Variants in NAALADL2 observed in about 807,000 individuals in gnomAD.
NAALADL2 encodes inactive N-acetylated-alpha-linked acidic dipeptidase-like protein 2.
Under a neutral mutation model 87.2 loss-of-function variants are expected in NAALADL2, and 76 were observed. The observed-to-expected ratio is 0.87, with a 90% confidence interval of 0.72 to 1.05. The LOEUF is 1.05. NAALADL2 is among the 50% of genes least tolerant of loss of function. The probability of loss-of-function intolerance (pLI) is 0.00; values close to 1 mark genes in which losing one functional copy is unlikely to be tolerated. For missense variants in NAALADL2, 1,089 were observed against 945.8 expected (o/e 1.15, Z -1.99); for synonymous variants, 354 against 331.0 (o/e 1.07, Z -0.75).
At chr3:175,033,340 A>T (rs1283498733) in intron 1 of NAALADL2, among the ~76,000 whole-genome samples, 1 of 152,024 alleles carries the variant, frequency 6.6e-6, no homozygotes, top group Non-Finnish European at 1.5e-5. Flanking sequence ...ATCTGCTGAG[A>T]ACCATTGTAT....
intron 9 of NAALADL2, among the ~76,000 whole-genome samples, chr3:175,485,396 A>G (rs1727106550): frequency 6.6e-6 from 1 of 152,126 alleles, no homozygotes; most frequent in Admixed American, 6.6e-5. Context: ...CACTCACACG[A>G]TCACAAGGTA....
chr3:175,543,856 CCTCT>C (rs1712818157), intron 9 of NAALADL2, among the ~76,000 whole-genome samples: 4 of 152,028 alleles, frequency 2.6e-5, no homozygotes, highest in African/African-American at 9.7e-5. Context: ...TAATAAGGAA[CCTCT>C]CTAAGAAGAT....
At chr3:174,567,487 A>T (rs1714428369) in intron 2 of NAALADL2, among the ~76,000 whole-genome samples, 1 of 151,548 alleles carries the variant, frequency 6.6e-6, no homozygotes, top group Non-Finnish European at 1.5e-5. Flanking sequence ...ATTTATACCT[A>T]CCTGACTTGC....
At chr3:174,780,222 A>G (rs548910389) in intron 3 of NAALADL2, among the ~76,000 whole-genome samples, 2 of 151,464 alleles carry the variant, frequency 1.3e-5, no homozygotes, top group South Asian at 2.1e-4. Context: ...AATTCCTTGT[A>G]AGTTGTATTC....
intron 5 of NAALADL2, among the ~76,000 whole-genome samples, chr3:175,391,316 C>T (rs61450676): frequency 1.3e-5 from 2 of 152,038 alleles, no homozygotes; most frequent in Admixed American, 6.5e-5. Context: ...CTGGAGATTC[C>T]TTTCTAATTA....
chr3:175,353,108 A>ATGTGTGTGTG (rs113022824), intron 5 of NAALADL2, among the ~76,000 whole-genome samples: 7 of 144,968 alleles, frequency 4.8e-5, no homozygotes, highest in Admixed American at 2.1e-4. Flanking sequence ...ATTTAATAAA[A>ATGTGTGTGTG]TGTGTGTGTG....
chr3:175,632,266 T>TTCTC (rs61458338), intron 11 of NAALADL2, among the ~76,000 whole-genome samples: 4,692 of 129,342 alleles, frequency 0.036, 100 homozygotes, highest in Admixed American at 0.068. Context: ...CACTTTCCCC[T>TTCTC]TCTCTCTCTC....
intron 1 of NAALADL2, among the ~76,000 whole-genome samples, chr3:174,973,748 G>A (rs187000116): frequency 6.6e-6 from 1 of 152,228 alleles, no homozygotes; most frequent in African/African-American, 2.4e-5. Context: ...GCATGTTATG[G>A]CACTGAATAC....
In NAALADL2 at chr3:175,806,808, C is replaced by T. The variant is rs1450507307; in HGVS notation, c.*3605C>T. 1 of 146,724 alleles carries T rather than the reference C, an allele frequency of 6.8e-6. No homozygotes were observed. 9.1% of individuals were successfully genotyped at this position (146,724 alleles called of 1,614,324 possible). A position where few individuals can be genotyped will look rare whatever the true frequency, so the allele number is the denominator to read the frequency against. On this transcript the variant is annotated 3_prime_UTR_variant, in exon 14 of 14. Coordinates refer to ENST00000454872, the MANE Select transcript of NAALADL2 (RefSeq NM_207015.3). ...AATAAAAATGATGAGGCATATTTCT[C>T]TTCTGGGCCCACTGTATTCAGTTCT...
intron 1 of NAALADL2, among the ~76,000 whole-genome samples, chr3:175,033,458 T>C (rs917794892): frequency 6.6e-6 from 1 of 152,086 alleles, no homozygotes; most frequent in African/African-American, 2.4e-5. Context: ...CTTCTCAGCA[T>C]ATGTCTAAAT....
chr3:174,837,418 A>G (rs772342683), intron 3 of NAALADL2, among the ~76,000 whole-genome samples: 1 of 152,202 alleles, frequency 6.6e-6, no homozygotes, highest in Non-Finnish European at 1.5e-5. Flanking sequence ...TTCTGGAAAG[A>G]TACAACCTTT....
chr3:174,759,636 G>C (rs1712632853), intron 3 of NAALADL2, among the ~76,000 whole-genome samples: 1 of 151,948 alleles, frequency 6.6e-6, no homozygotes, highest in African/African-American at 2.4e-5. Flanking sequence ...TAGAAGCTTA[G>C]AATTAGTACC....
intron 2 of NAALADL2, among the ~76,000 whole-genome samples, chr3:174,640,701 G>A (rs1560110573): frequency 6.6e-6 from 1 of 152,194 alleles, no homozygotes; most frequent in Non-Finnish European, 1.5e-5. Context: ...CTTTTCTGAT[G>A]CCAGGGCCAG....
At chr3:175,305,455 A>G (rs73047226) in intron 4 of NAALADL2, among the ~76,000 whole-genome samples, 11,141 of 152,124 alleles carry the variant, frequency 0.073, 1,320 homozygotes, top group African/African-American at 0.25. Flanking sequence ...TGTCAAATAC[A>G]TGTTTACTTT....
intron 5 of NAALADL2, among the ~76,000 whole-genome samples, chr3:175,402,954 T>A (rs1239264115): frequency 1.3e-5 from 2 of 152,114 alleles, no homozygotes; most frequent in Non-Finnish European, 2.9e-5. Flanking sequence ...TTGACACTTT[T>A]AAATTCTTCA....
intron 3 of NAALADL2, among the ~76,000 whole-genome samples, chr3:174,830,413 A>T (rs2109366227): frequency 6.6e-6 from 1 of 152,318 alleles, no homozygotes; most frequent in South Asian, 2.1e-4. Flanking sequence ...GTCAAAGATC[A>T]GATAGTTATA....
chr3:175,389,250 G>T (rs1276790269), intron 5 of NAALADL2, among the ~76,000 whole-genome samples: 1 of 152,040 alleles, frequency 6.6e-6, no homozygotes, highest in Non-Finnish European at 1.5e-5. Flanking sequence ...AAATAATATA[G>T]GGTTGGATTT....
intron 10 of NAALADL2, among the ~76,000 whole-genome samples, chr3:175,585,708 A>G (rs1336536360): frequency 6.6e-6 from 1 of 152,148 alleles, no homozygotes; most frequent in Non-Finnish European, 1.5e-5. Flanking sequence ...CCTACTCTAA[A>G]CATGAGTATT....
At chr3:175,438,058 T>C (rs1013566920) in intron 5 of NAALADL2, among the ~76,000 whole-genome samples, 1 of 152,112 alleles carries the variant, frequency 6.6e-6, no homozygotes, top group Middle Eastern at 3.2e-3. Flanking sequence ...TCGTGAATCA[T>C]GAATTTTAGG....
Sources: allele counts gnomAD v4.1 joint callset (sites outside exome capture counted in the v4.1 genomes callset), GRCh38; gene constraint gnomAD v4.1.1; transcripts MANE v1.5; gene names NCBI Gene and HGNC (gene_info 2026-07-23, HGNC 2026-07-21).